POU2F1: variants seen among roughly 807,000 people sequenced by gnomAD.
POU2F1 encodes the protein POU domain, class 2, transcription factor 1.
A neutral mutation model predicts 84.9 loss-of-function variants in POU2F1; 16 were observed. That is an observed-to-expected ratio of 0.19 (90% CI 0.13 to 0.29). POU2F1 has a LOEUF of 0.29. POU2F1 is among the 10% of genes least tolerant of loss of function. The probability of loss-of-function intolerance (pLI) is 1.00; values close to 1 mark genes in which losing one functional copy is unlikely to be tolerated. For synonymous variants in POU2F1, 368 were observed against 368.3 expected (o/e 1.00, Z 0.01); for missense variants, 738 against 942.6 (o/e 0.78, Z 2.84).
intron 1 of POU2F1, among the ~76,000 whole-genome samples, chr1:167,245,139 A>G (rs1292678522): frequency 6.6e-6 from 1 of 152,140 alleles, no homozygotes; most frequent in Non-Finnish European, 1.5e-5. Flanking sequence ...TTTGTATGTT[A>G]CCTTATGGGA....
intron 1 of POU2F1, among the ~76,000 whole-genome samples, chr1:167,330,500 A>G (rs746518021): frequency 1.3e-5 from 2 of 152,166 alleles, no homozygotes; most frequent in Non-Finnish European, 2.9e-5. Flanking sequence ...AAAGAAAAAT[A>G]CCTTTTTGGA....
At chr1:167,257,293 AT>A (rs1014463747) in intron 1 of POU2F1, among the ~76,000 whole-genome samples, 71 of 151,522 alleles carry the variant, frequency 4.7e-4, no homozygotes, top group African/African-American at 1.5e-3. Flanking sequence ...AAAAACAACC[AT>A]TTTTTTTTAA....
rs1173650888 is a variant in POU2F1 at position 167,368,340 on chromosome 1, T to TC, written c.229-1820dup. On this transcript the variant is annotated intron_variant, in intron 3 of 15. Coordinates refer to ENST00000367866, the MANE Select transcript of POU2F1 (RefSeq NM_002697.4). Reference sequence around the variant, plus strand: ...CAGCAGAAATGATGCTGAGTCCCTCTCGGTGCATTCAGAAGCCGTATCATA... The same window carrying TC: ...CAGCAGAAATGATGCTGAGTCCCTCTCCGGTGCATTCAGAAGCCGTATCATA... Among the ~76,000 whole-genome samples, 5 of 152,208 alleles carry TC rather than the reference T, an allele frequency of 3.3e-5. No individual in the cohort carries two copies. The East Asian group carries it at 7.7e-4, about 23-fold the overall frequency.
chr1:167,372,611 A>G (rs541300582), intron 5 of POU2F1, among the ~76,000 whole-genome samples: 71 of 152,228 alleles, frequency 4.7e-4, no homozygotes, highest in Non-Finnish European at 8.8e-4. Context: ...ATTGGAGATA[A>G]TACATGTAAA....
At chr1:167,333,726 T>C (rs191095592) in intron 2 of POU2F1, among the ~76,000 whole-genome samples, 142 of 152,304 alleles carry the variant, frequency 9.3e-4, no homozygotes, top group African/African-American at 3.3e-3. Flanking sequence ...TAGACTTCTG[T>C]AGTATCTCTT....
chr1:167,355,071 C>T (rs1658846649), intron 2 of POU2F1, among the ~76,000 whole-genome samples: 1 of 151,592 alleles, frequency 6.6e-6, no homozygotes, highest in Non-Finnish European at 1.5e-5. Flanking sequence ...TTCACTTTCC[C>T]AAGGTTAGAA....
chr1:167,252,382 A>G (rs1650796012), intron 1 of POU2F1, among the ~76,000 whole-genome samples: 1 of 152,192 alleles, frequency 6.6e-6, no homozygotes, highest in South Asian at 2.1e-4. Flanking sequence ...GTGAAGAAGG[A>G]GAAGCACGTA....
In POU2F1 at chr1:167,384,335, A is replaced by G. The variant is rs146010666; in HGVS notation, c.813+384A>G. Among the ~76,000 whole-genome samples, 12 of 152,218 alleles carry G rather than the reference A, an allele frequency of 7.9e-5. No homozygotes were observed. The East Asian group carries it at 2.3e-3, about 29-fold the overall frequency. On this transcript the variant is annotated intron_variant, in intron 8 of 15. Coordinates refer to ENST00000367866, the MANE Select transcript of POU2F1 (RefSeq NM_002697.4). ...AAACTGCTAAGAGATTTTGATCTCT[A>G]TATTTTCTTTTTTCTCAATGCTTTT... is the stretch of plus-strand genomic sequence containing the variant.
At position 167,414,364 on chromosome 1, in the gene POU2F1, T is replaced by C. The variant is rs1357211491; in HGVS notation, c.1991-1136T>C. 4 of 985,288 alleles carry C rather than the reference T, an allele frequency of 4.1e-6. No individual in the cohort carries two copies. In the African/African-American group the frequency reaches 7.0e-5, roughly 17 times the overall value. The allele number at this position is 985,288 out of a possible 1,614,324, so 61.0% of individuals were successfully genotyped here. The stretch of plus-strand genomic sequence containing the variant: ...ATTGACACTCTGAAAAGATACTAAG[T>C]TTGGAATCTCAGAAAAACTTCAAGC... On this transcript the variant is annotated intron_variant, in intron 15 of 15. Transcript: ENST00000367866.
intron 1 of POU2F1, among the ~76,000 whole-genome samples, chr1:167,259,522 C>T (rs1337825041): frequency 6.6e-6 from 1 of 152,108 alleles, no homozygotes; most frequent in African/African-American, 2.4e-5. Context: ...CAATGCTGCT[C>T]AGAATAATCC....
rs1571477451 is a variant in POU2F1, at chr1:167,415,958, C to T, written c.*148C>T. 1.4e-6 allele frequency: 1 copy of T among 718,302 alleles called. No homozygotes were observed. Among genetic ancestry groups the T allele is most frequent in the African/African-American group, 1.8e-5 (1 of 54,870 alleles). 44.5% of individuals were successfully genotyped at this position (718,302 alleles called of 1,614,324 possible). A position where few individuals can be genotyped will look rare whatever the true frequency, so the allele number is the denominator to read the frequency against. On this transcript the variant is annotated 3_prime_UTR_variant, in exon 16 of 16. Coordinates refer to ENST00000367866, the MANE Select transcript of POU2F1 (RefSeq NM_002697.4). ...AGAAGGGAGAAAAAAAAAAAAAAAC[C>T]ACACACACCCATACACACATACCAG...
intron 1 of POU2F1, among the ~76,000 whole-genome samples, chr1:167,293,460 G>C (rs1276447455): frequency 6.6e-6 from 1 of 152,196 alleles, no homozygotes; most frequent in Non-Finnish European, 1.5e-5. Flanking sequence ...AAAAAACACT[G>C]CTGAAAGAAG....
intron 1 of POU2F1, among the ~76,000 whole-genome samples, chr1:167,284,461 C>T (rs1653379102): frequency 6.6e-6 from 1 of 152,174 alleles, no homozygotes; most frequent in South Asian, 2.1e-4. Context: ...GTGTATTGCA[C>T]TCTTTCCATT....
At chr1:167,221,808 G>C (rs1648218668) in intron 1 of POU2F1, among the ~76,000 whole-genome samples, 1 of 151,974 alleles carries the variant, frequency 6.6e-6, no homozygotes, top group South Asian at 2.1e-4. Context: ...ACCCGCGCAG[G>C]GGTCTGCGTG....
intron 1 of POU2F1, among the ~76,000 whole-genome samples, chr1:167,273,337 G>A (rs1285033074): frequency 2.0e-5 from 3 of 152,224 alleles, no homozygotes; most frequent in African/African-American, 7.2e-5. Flanking sequence ...TGGCCCTCTT[G>A]TCACAGCTCC....
At position 167,385,982 on chromosome 1, in the gene POU2F1, C is replaced by T. The variant is rs192167060; in HGVS notation, c.813+2031C>T. Among the ~76,000 whole-genome samples, 216 of 152,146 alleles carry T rather than the reference C, an allele frequency of 1.4e-3. 1 individual carries two copies. Among genetic ancestry groups the T allele is most frequent in the Non-Finnish European group, 2.0e-3 (134 of 68,004 alleles). On this transcript the variant is annotated intron_variant, in intron 8 of 15. Coordinates refer to ENST00000367866, the MANE Select transcript of POU2F1 (RefSeq NM_002697.4). ...TCACCAAAGATGATATGTAAATGTC[C>T]AGCAGGCATATGAAAAGATGCTCAA...
At chr1:167,300,490 G>A (rs1396928148) in intron 1 of POU2F1, among the ~76,000 whole-genome samples, 1 of 152,094 alleles carries the variant, frequency 6.6e-6, no homozygotes, top group Non-Finnish European at 1.5e-5. Flanking sequence ...TTTTGAGACG[G>A]AGTCTTGCTC....
In POU2F1 at chr1:167,235,463, T is replaced by C. The variant is rs879546336; in HGVS notation, c.61+14505T>C. 2.6e-5 allele frequency among the ~76,000 whole-genome samples: 4 copies of C among 152,208 alleles called. No individual in the cohort carries two copies. The South Asian group carries it at 8.3e-4, about 31-fold the overall frequency. ...GCTGGAAAGTATGATTTCAGGCGAT[T>C]AGACTATAGGGGCAAAGCCATTGCC... On this transcript the variant is annotated intron_variant, in intron 1 of 15. Coordinates refer to ENST00000367866, the MANE Select transcript of POU2F1 (RefSeq NM_002697.4).
intron 1 of POU2F1, among the ~76,000 whole-genome samples, chr1:167,317,441 A>G (rs1655984687): frequency 6.6e-6 from 1 of 152,184 alleles, no homozygotes; most frequent in African/African-American, 2.4e-5. Flanking sequence ...ACACAAATAT[A>G]GAGTGCAGAG....
Sources: gnomAD v4.1 joint callset for allele counts (sites outside exome capture counted in the v4.1 genomes callset) on GRCh38, gnomAD v4.1.1 for gene constraint, MANE v1.5 for transcripts, NCBI Gene and HGNC (gene_info 2026-07-23, HGNC 2026-07-21) for gene names.